Variants in ASCC2 observed in about 807,000 individuals in gnomAD.
The protein encoded by ASCC2 is ASC-1 complex subunit P100.
Under a neutral mutation model 93.5 loss-of-function variants are expected in ASCC2, and 42 were observed. That is an observed-to-expected ratio of 0.45 (90% confidence interval 0.35 to 0.58). The LOEUF (loss-of-function observed/expected upper bound fraction) is 0.58, where lower values mean the gene tolerates loss of function less well. Ranked by LOEUF, ASCC2 falls within the 20% of genes least tolerant of loss-of-function variation. The probability of loss-of-function intolerance (pLI) is 0.00; values close to 1 mark genes in which losing one functional copy is unlikely to be tolerated. For synonymous variants in ASCC2, 364 were observed against 384.2 expected (o/e 0.95, Z 0.62); for missense variants, 859 against 977.6 (o/e 0.88, Z 1.62).
At chr22:29,804,572 C>A in intron 13 of ASCC2, 66 bp downstream of exon 13, 1 of 1,562,254 alleles carries the variant, frequency 6.4e-7, no homozygotes, top group South Asian at 1.2e-5. Context: ...TTCCTGCTGC[C>A]CCAGCCTCTC....
At chr22:29,811,438 G>A (rs2060267127) in intron 8 of ASCC2, among the ~76,000 whole-genome samples, 1 of 152,204 alleles carries the variant, frequency 6.6e-6, no homozygotes, top group Non-Finnish European at 1.5e-5. Flanking sequence ...ATTCATAAAA[G>A]TATATCTACT....
At chr22:29,831,016 C>T (rs2063076147) in intron 2 of ASCC2, among the ~76,000 whole-genome samples, 1 of 152,196 alleles carries the variant, frequency 6.6e-6, no homozygotes, top group African/African-American at 2.4e-5. Context: ...AATATAACTG[C>T]TCTATATCTG....
chr22:29,834,567 AG>A (rs1390589025), intron 1 of ASCC2: 2 of 470,876 alleles, frequency 4.2e-6, no homozygotes, highest in East Asian at 1.4e-4. Flanking sequence ...AAAAATCACA[AG>A]GCAAAGAAAG....
chr22:29,816,110 G>A lies in ASCC2; in HGVS notation c.542-37C>T, dbSNP rs375970056. Reference sequence around the variant, plus strand: ...AGAGAAAGGTTGGAATTGAGAAAAGGTGGGGGCTCGGGGCAGTGAAGAGGA... The same window carrying A: ...AGAGAAAGGTTGGAATTGAGAAAAGATGGGGGCTCGGGGCAGTGAAGAGGA... On this transcript the variant is annotated intron_variant, in intron 5 of 19. Coordinates refer to ENST00000307790, the MANE Select transcript of ASCC2 (RefSeq NM_032204.5). The A allele has an allele frequency of 3.4e-5, 51 of 1,521,564 alleles. 1 individual carries two copies. Among genetic ancestry groups the A allele is most frequent in the Middle Eastern group, 1.7e-4 (1 of 5,948 alleles). The allele number at this position is 1,521,564 out of a possible 1,614,324, so 94.3% of individuals were successfully genotyped here.
chr22:29,800,527 C>T (rs548219323), intron 15 of ASCC2, among the ~76,000 whole-genome samples: 17 of 152,056 alleles, frequency 1.1e-4, no homozygotes, highest in Middle Eastern at 3.4e-3. Flanking sequence ...TTTTCAATGC[C>T]AAAAAAGTAG....
rs776271115 is a variant in ASCC2 at position 29,822,480 on chromosome 22, G to A, written c.412-16C>T. The A allele has an allele frequency of 1.2e-6, 2 of 1,612,882 alleles. No homozygotes were observed. The highest frequency in any genetic ancestry group is 1.7e-4 in the Middle Eastern group (1 of 6,016). On this transcript the variant is annotated splice_polypyrimidine_tract_variant and intron_variant, in intron 4 of 19. Transcript: ENST00000307790. ...TGAAGTGATCCTAAGGAAAAATGCA[G>A]AGAGAAAGGATAGAGATTTTCTGAA... is the stretch of plus-strand genomic sequence containing the variant.
intron 2 of ASCC2, among the ~76,000 whole-genome samples, chr22:29,831,124 G>A (rs2063093543): frequency 6.6e-6 from 1 of 152,198 alleles, no homozygotes; most frequent in Admixed American, 6.5e-5. Context: ...CACATTACAA[G>A]TGCTTAATAG....
chr22:29,807,514 T>C (rs910343783), intron 9 of ASCC2, among the ~76,000 whole-genome samples: 2 of 152,274 alleles, frequency 1.3e-5, no homozygotes, highest in Admixed American at 6.5e-5. Flanking sequence ...CCAGCCATCA[T>C]GGTATTTTGG....
chr22:29,829,388 G>A (rs1189527912), intron 2 of ASCC2, among the ~76,000 whole-genome samples: 1 of 152,122 alleles, frequency 6.6e-6, no homozygotes, highest in Non-Finnish European at 1.5e-5. Context: ...ACCTGGCATT[G>A]AGCAGACTTT....
At chr22:29,806,774 G>A (rs1389508484) in intron 10 of ASCC2, 23 bp downstream of exon 10, 2 of 1,577,278 alleles carry the variant, frequency 1.3e-6, no homozygotes, top group Non-Finnish European at 1.7e-6. Flanking sequence ...TCTTCCACCA[G>A]GAGGCAATTC....
Position 29,832,348 on chromosome 22 carries a change from AGGAATAT to A in ASCC2, c.-17-13_-17-7del. ...CATTGTGCTGCGTGACCCTCCTGAA[AGGAATAT>A]GGATGGGAAGAAGAGAGCAGACACA... On this transcript the variant is annotated splice_region_variant and splice_polypyrimidine_tract_variant and intron_variant, in intron 1 of 19. Transcript: ENST00000307790. 6.2e-7 allele frequency: 1 copy of A among 1,600,926 alleles called. No homozygotes were observed. The highest frequency in any genetic ancestry group is 8.6e-7 in the Non-Finnish European group (1 of 1,168,332).
At chr22:29,835,223 C>T (rs1197866038) in intron 1 of ASCC2, among the ~76,000 whole-genome samples, 1 of 151,890 alleles carries the variant, frequency 6.6e-6, no homozygotes, top group Non-Finnish European at 1.5e-5. Context: ...ATAGTGAGAC[C>T]CCCATCTCTA....
chr22:29,804,693 G>T lies in ASCC2; in HGVS notation c.1298C>A (p.Thr433Lys). The T allele has an allele frequency of 1.2e-6, 2 of 1,614,144 alleles. No homozygotes were observed. The highest frequency in any genetic ancestry group is 1.7e-6 in the Non-Finnish European group (2 of 1,180,034). Residue 433 changes from threonine (T) to lysine (K), a missense_variant, in exon 13 of 20, where the codon ACA becomes AAA. Transcript: ENST00000307790. Reference protein sequence around the residue: ...PNGEPNGVTVTAEAVSQASSH... With the variant: ...PNGEPNGVTVKAEAVSQASSH... The stretch of plus-strand genomic sequence containing the variant: ...TGATGCTTGACTGACTGCCTCTGCT[G>T]TCACCGTGACCCCGTTAGGCTCCCC...
chr22:29,820,177 T>C (rs999999911), intron 5 of ASCC2, among the ~76,000 whole-genome samples: 1 of 150,746 alleles, frequency 6.6e-6, no homozygotes, highest in African/African-American at 2.4e-5. Context: ...TTTCTTTTTT[T>C]TCTGAGACGG....
rs1473780511 is a variant in ASCC2 at position 29,822,459 on chromosome 22, G to C, written c.417C>G (p.His139Gln). Residue 139 changes from histidine to glutamine, a missense_variant, in exon 5 of 20, where the codon CAC becomes CAG. Transcript: ENST00000307790. ...CTCCAAACGCAGAAGGGGAAATGAA[G>C]TGATCCTAAGGAAAAATGCAGAGAG... is the stretch of plus-strand genomic sequence containing the variant. Reference protein sequence around the residue: ...RMSTHKESKDHFISPSAFGEI... With the variant: ...RMSTHKESKDQFISPSAFGEI... 2 of 1,613,720 alleles carry C rather than the reference G, an allele frequency of 1.2e-6. No individual in the cohort carries two copies. The highest frequency in any genetic ancestry group is 3.3e-4 in the Middle Eastern group (2 of 6,056).
chr22:29,816,799 G>A (rs1260800877), intron 5 of ASCC2: 1 of 151,442 alleles, frequency 6.6e-6, no homozygotes, highest in East Asian at 1.9e-4. Flanking sequence ...GAGGGAGAGA[G>A]GGAGAGAGGG....
At chr22:29,836,870 C>T (rs1425302788) in intron 1 of ASCC2, among the ~76,000 whole-genome samples, 3 of 152,256 alleles carry the variant, frequency 2.0e-5, no homozygotes, top group East Asian at 1.9e-4. Context: ...TTTTTGAACA[C>T]CTATTATGTG....
At chr22:29,790,579 G>A in intron 18 of ASCC2, 31 bp from the exon 19 acceptor site, 1 of 1,605,266 alleles carries the variant, frequency 6.2e-7, no homozygotes, top group Non-Finnish European at 8.5e-7. Flanking sequence ...CAAATCTGGA[G>A]TCAGGAGCTG....
chr22:29,799,338 G>C (rs1818465623), intron 15 of ASCC2: 1 of 152,278 alleles, frequency 6.6e-6, no homozygotes, highest in African/African-American at 2.4e-5. Flanking sequence ...AACATCTTTG[G>C]CCTGGGATCT....
Sources: gnomAD v4.1 joint callset for allele counts (sites outside exome capture counted in the v4.1 genomes callset) on GRCh38, gnomAD v4.1.1 for gene constraint, MANE v1.5 for transcripts, NCBI Gene and HGNC (gene_info 2026-07-23, HGNC 2026-07-21) for gene names.